PPP2R2A: variants seen among roughly 807,000 people sequenced by gnomAD.
The protein encoded by PPP2R2A is protein phosphatase 2 regulatory subunit Balpha.
A neutral mutation model predicts 53.2 loss-of-function variants in PPP2R2A; 9 were observed. That is an observed-to-expected ratio of 0.17 (90% confidence interval 0.10 to 0.30). The LOEUF is 0.30. PPP2R2A is among the 10% of genes least tolerant of loss of function. The pLI is 1.00. For missense variants in PPP2R2A, 235 were observed against 534.6 expected, an observed-to-expected ratio of 0.44 and a Z score of 5.53; for synonymous variants, 169 against 174.2, an observed-to-expected ratio of 0.97 and a Z score of 0.23.
chr8:26,291,929 C>A, intron 1 of PPP2R2A, 103 bp downstream of exon 1: 1 of 1,467,482 alleles, frequency 6.8e-7, no homozygotes, highest in Non-Finnish European at 9.3e-7. Flanking sequence ...AGCCACAGGG[C>A]GCCCCTCGGG....
intron 1 of PPP2R2A, among the ~76,000 whole-genome samples, chr8:26,292,755 A>AT (rs1801361324): frequency 6.6e-6 from 1 of 152,152 alleles, no homozygotes; most frequent in African/African-American, 2.4e-5. Context: ...ATGTAGTAGA[A>AT]TCAGTTGCAG....
intron 2 of PPP2R2A, among the ~76,000 whole-genome samples, chr8:26,296,373 C>G (rs569407403): frequency 2.6e-5 from 4 of 152,278 alleles, no homozygotes; most frequent in East Asian, 1.9e-4. Context: ...TAAACAGATA[C>G]TGTTCTTAAA....
intron 3 of PPP2R2A, among the ~76,000 whole-genome samples, chr8:26,342,118 G>C (rs1022889184): frequency 6.6e-6 from 1 of 152,148 alleles, no homozygotes; most frequent in African/African-American, 2.4e-5. Flanking sequence ...TAATATATTT[G>C]TATAGGTATT....
chr8:26,352,181 A>G (rs1804552921), intron 3 of PPP2R2A, among the ~76,000 whole-genome samples: 1 of 152,218 alleles, frequency 6.6e-6, no homozygotes, highest in South Asian at 2.1e-4. Flanking sequence ...GTATGACTGT[A>G]GGAGAGGTTT....
intron 2 of PPP2R2A, among the ~76,000 whole-genome samples, chr8:26,303,312 C>A (rs907775178): frequency 2.6e-5 from 4 of 152,076 alleles, no homozygotes; most frequent in African/African-American, 9.7e-5. Flanking sequence ...TAATTTTTTA[C>A]GGTTTTCCCC....
intron 2 of PPP2R2A, among the ~76,000 whole-genome samples, chr8:26,307,718 A>C (rs1333998544): frequency 6.6e-6 from 1 of 152,238 alleles, no homozygotes; most frequent in Admixed American, 6.5e-5. Context: ...ATAAGTGCTC[A>C]AGAGACTGAG....
At chr8:26,317,368 A>G (rs1802613050) in intron 2 of PPP2R2A, among the ~76,000 whole-genome samples, 1 of 152,128 alleles carries the variant, frequency 6.6e-6, no homozygotes, top group South Asian at 2.1e-4. Context: ...TTGCTTGCTT[A>G]TTGTATGTAG....
At chr8:26,297,101 G>A (rs1000649274) in intron 2 of PPP2R2A, among the ~76,000 whole-genome samples, 9 of 152,062 alleles carry the variant, frequency 5.9e-5, no homozygotes, top group Admixed American at 2.6e-4. Context: ...TGTAAAAACA[G>A]CCCAAATTCT....
chr8:26,295,730 G>A (rs1275134760), intron 2 of PPP2R2A, among the ~76,000 whole-genome samples: 1 of 152,124 alleles, frequency 6.6e-6, no homozygotes, highest in Non-Finnish European at 1.5e-5. Context: ...GTAAAAATAT[G>A]ACTAGTTCTA....
chr8:26,311,570 G>A (rs1410491228), intron 2 of PPP2R2A, among the ~76,000 whole-genome samples: 1 of 152,138 alleles, frequency 6.6e-6, no homozygotes, highest in African/African-American at 2.4e-5. Context: ...TTGGGAGGCT[G>A]AGGTGAGAGG....
intron 2 of PPP2R2A, among the ~76,000 whole-genome samples, chr8:26,331,543 C>G (rs1292304413): frequency 1.3e-5 from 2 of 151,994 alleles, no homozygotes; most frequent in East Asian, 3.8e-4. Flanking sequence ...TGAAATATAA[C>G]AAAAAGTAGA....
Position 26,360,416 on chromosome 8 carries a change from A to G in PPP2R2A, c.459+135A>G. 1.9e-6 allele frequency: 1 copy of G among 531,146 alleles called. No homozygotes were observed. The highest frequency in any genetic ancestry group is 3.0e-5 in the East Asian group (1 of 33,538). 32.9% of individuals were successfully genotyped at this position (531,146 alleles called of 1,614,324 possible). A position where few individuals can be genotyped will look rare whatever the true frequency, so the allele number is the denominator to read the frequency against. On this transcript the variant is annotated intron_variant, in intron 5 of 9. Transcript: ENST00000380737. This position sits in a 1 kb window ranked among gnomAD's most constrained non-coding sequence, Gnocchi z 4.5. Reference sequence around the variant, plus strand: ...CAGTAATTCTGTAATCAGGTAGGACATTGAGTAACTCATTTAAACATAGAA... The same window carrying G: ...CAGTAATTCTGTAATCAGGTAGGACGTTGAGTAACTCATTTAAACATAGAA...
chr8:26,328,222 G>C (rs952156263), intron 2 of PPP2R2A, among the ~76,000 whole-genome samples: 1 of 152,048 alleles, frequency 6.6e-6, no homozygotes, highest in African/African-American at 2.4e-5. Flanking sequence ...GTTAGTTATG[G>C]GTTTAACCCT....
In PPP2R2A at chr8:26,294,792, G is replaced by T. The variant is rs537515357; in HGVS notation, c.82+1052G>T. ...GTGTCAGTGTCATCCTTAATTGTCT[G>T]TTTTAGAGTGTGGTGAATCCTATGG... is the stretch of plus-strand genomic sequence containing the variant. On this transcript the variant is annotated intron_variant, in intron 2 of 9. Transcript: ENST00000380737. 4.6e-5 allele frequency among the ~76,000 whole-genome samples: 7 copies of T among 152,170 alleles called. No homozygotes were observed. In the East Asian group the frequency reaches 1.3e-3, roughly 29 times the overall value.
chr8:26,320,737 G>A (rs1802798402), intron 2 of PPP2R2A, among the ~76,000 whole-genome samples: 1 of 152,104 alleles, frequency 6.6e-6, no homozygotes, highest in Admixed American at 6.5e-5. Context: ...AAGTTTGGTG[G>A]TATTATTATT....
At chr8:26,323,755 A>C (rs979590300) in intron 2 of PPP2R2A, among the ~76,000 whole-genome samples, 2 of 152,010 alleles carry the variant, frequency 1.3e-5, no homozygotes, top group African/African-American at 4.8e-5. Flanking sequence ...GTTCTAGTTT[A>C]CCTTCCTGGA....
At chr8:26,312,053 G>A (rs949415049) in intron 2 of PPP2R2A, among the ~76,000 whole-genome samples, 1 of 151,876 alleles carries the variant, frequency 6.6e-6, no homozygotes, top group Non-Finnish European at 1.5e-5. Context: ...CTTTCTCCTC[G>A]TTCTTCTACT....
At chr8:26,316,827 C>G (rs556171938) in intron 2 of PPP2R2A, among the ~76,000 whole-genome samples, 22 of 152,166 alleles carry the variant, frequency 1.4e-4, no homozygotes, top group African/African-American at 5.3e-4. Flanking sequence ...CCCTTATTAC[C>G]GGATCACCTG....
intron 4 of PPP2R2A, among the ~76,000 whole-genome samples, chr8:26,357,421 T>C (rs962136402): frequency 3.3e-5 from 5 of 152,164 alleles, no homozygotes; most frequent in African/African-American, 1.2e-4. Flanking sequence ...CCATGATCAT[T>C]ATATGAACTG....
Sources: allele counts gnomAD v4.1 joint callset (sites outside exome capture counted in the v4.1 genomes callset), GRCh38; gene constraint gnomAD v4.1.1; non-coding constraint Gnocchi (gnomAD v3.1); transcripts MANE v1.5; gene names NCBI Gene and HGNC (gene_info 2026-07-23, HGNC 2026-07-21).